Variants in RASAL2 observed in about 807,000 individuals in gnomAD.
RASAL2 encodes the protein RAS protein activator like 2.
Under a neutral mutation model 128.9 loss-of-function variants are expected in RASAL2, and 58 were observed. That is an observed-to-expected ratio of 0.45 (90% CI 0.36 to 0.56). RASAL2 has a LOEUF of 0.56. Ranked by LOEUF, RASAL2 falls within the 20% of genes least tolerant of loss-of-function variation. The pLI is 0.00. For synonymous variants in RASAL2, 561 were observed against 580.8 expected (o/e 0.97, Z 0.49); for missense variants, 1,360 against 1,601.6 (o/e 0.85, Z 2.57).
chr1:178,094,260 C>T lies in RASAL2; in HGVS notation c.-233C>T. ...GGACCCACCCTTGGTCGGGGCCACG[C>T]TGGATCCTCCTCCCGGCCTGGGTCC... is the stretch of plus-strand genomic sequence containing the variant. On this transcript the variant is annotated 5_prime_UTR_variant, in exon 1 of 18. Coordinates refer to ENST00000367649, the MANE Select transcript of RASAL2 (RefSeq NM_170692.4). 3 of 533,642 alleles carry T rather than the reference C, an allele frequency of 5.6e-6. No individual in the cohort carries two copies. The highest frequency in any genetic ancestry group is 9.8e-6 in the Non-Finnish European group (3 of 307,414). 33.1% of individuals were successfully genotyped at this position (533,642 alleles called of 1,614,324 possible).
intron 5 of RASAL2, among the ~76,000 whole-genome samples, chr1:178,436,364 C>T (rs907376164): frequency 2.6e-5 from 4 of 151,942 alleles, no homozygotes; most frequent in African/African-American, 7.2e-5. Flanking sequence ...ATTAAAATTT[C>T]GGTAACTAGG....
intron 3 of RASAL2, among the ~76,000 whole-genome samples, chr1:178,311,748 T>A (rs776741441): frequency 5.9e-5 from 9 of 151,668 alleles, no homozygotes; most frequent in Non-Finnish European, 8.8e-5. Flanking sequence ...AGAAGAAAGA[T>A]CTAAGAATAC....
chr1:178,340,153 T>G (rs1208778003), intron 3 of RASAL2, among the ~76,000 whole-genome samples: 1 of 152,160 alleles, frequency 6.6e-6, no homozygotes, highest in Non-Finnish European at 1.5e-5. Context: ...ATCTAATGTG[T>G]AAGATATATA....
At chr1:178,168,572 T>C (rs531717765) in intron 1 of RASAL2, among the ~76,000 whole-genome samples, 1 of 152,226 alleles carries the variant, frequency 6.6e-6, no homozygotes, top group South Asian at 2.1e-4. Context: ...TTTTAAAATT[T>C]GGAATTGTGG....
rs1211996114 is a variant in RASAL2, at chr1:178,094,792, G to T, written c.202+98G>T. On this transcript the variant is annotated intron_variant, in intron 1 of 17. Transcript: ENST00000367649. ...ACAGGCTCATTCCCAGTCCTCATCC[G>T]TGCTAGGTCAGTTTCCCACATCCCT... 5 of 1,416,136 alleles carry T rather than the reference G, an allele frequency of 3.5e-6. No homozygotes were observed. The East Asian group carries it at 9.6e-5, about 27-fold the overall frequency. 87.7% of individuals were successfully genotyped at this position (1,416,136 alleles called of 1,614,324 possible).
At chr1:178,256,362 C>T (rs537981325) in intron 1 of RASAL2, among the ~76,000 whole-genome samples, 76 of 151,228 alleles carry the variant, frequency 5.0e-4, no homozygotes, top group African/African-American at 1.7e-3. Flanking sequence ...CTGATAAAGG[C>T]CATCAACAAA....
At chr1:178,112,483 G>T (rs1659364111) in intron 1 of RASAL2, among the ~76,000 whole-genome samples, 1 of 151,944 alleles carries the variant, frequency 6.6e-6, no homozygotes, top group African/African-American at 2.4e-5. Flanking sequence ...CCGGGAGGTG[G>T]AGGTTGCAGT....
chr1:178,445,123 G>A (rs1676909937), intron 8 of RASAL2, among the ~76,000 whole-genome samples: 1 of 141,784 alleles, frequency 7.1e-6, no homozygotes, highest in Non-Finnish European at 1.5e-5. Flanking sequence ...GAGCAGAGCA[G>A]AACTGAGAAC....
intron 1 of RASAL2, among the ~76,000 whole-genome samples, chr1:178,139,629 G>GTTAT (rs1012493679): frequency 6.6e-6 from 1 of 151,860 alleles, no homozygotes; most frequent in African/African-American, 2.4e-5. Flanking sequence ...CTGCAGGGAA[G>GTTAT]TTATTTATTT....
At chr1:178,161,140 A>C (rs1038119546) in intron 1 of RASAL2, among the ~76,000 whole-genome samples, 1 of 151,994 alleles carries the variant, frequency 6.6e-6, no homozygotes. Context: ...AGTTAAATAC[A>C]GTACTTTTTT....
chr1:178,244,575 G>A (rs1664681237), intron 1 of RASAL2, among the ~76,000 whole-genome samples: 1 of 152,116 alleles, frequency 6.6e-6, no homozygotes, highest in African/African-American at 2.4e-5. Flanking sequence ...TATTTTTATT[G>A]TACTTTAAGT....
chr1:178,282,585 A>C (rs1043381881), intron 1 of RASAL2, among the ~76,000 whole-genome samples: 1 of 152,160 alleles, frequency 6.6e-6, no homozygotes, highest in African/African-American at 2.4e-5. Context: ...CATATAATAG[A>C]TATAATGTAC....
At chr1:178,176,059 GGGT>G (rs1661879945) in intron 1 of RASAL2, among the ~76,000 whole-genome samples, 1 of 151,988 alleles carries the variant, frequency 6.6e-6, no homozygotes, top group African/African-American at 2.4e-5. Flanking sequence ...CCTTTCCTTT[GGGT>G]AGATACCCAG....
In RASAL2 at chr1:178,416,055, G is replaced by C. The variant is rs547862023; in HGVS notation, c.565-4456G>C. ...GGTATTTAGACTATTGACGTTCGAAGTGATTATTGACATAGTTGGGTTTCT... is the reference window on the plus strand; with the variant it reads ...GGTATTTAGACTATTGACGTTCGAACTGATTATTGACATAGTTGGGTTTCT... On this transcript the variant is annotated intron_variant, in intron 4 of 17. Coordinates refer to ENST00000367649, the MANE Select transcript of RASAL2 (RefSeq NM_170692.4). Among the ~76,000 whole-genome samples, 6 of 152,202 alleles carry C rather than the reference G, an allele frequency of 3.9e-5. No homozygotes were observed. In the South Asian group the frequency reaches 1.2e-3, roughly 32 times the overall value.
chr1:178,215,182 A>C (rs1663386022), intron 1 of RASAL2, among the ~76,000 whole-genome samples: 2 of 152,230 alleles, frequency 1.3e-5, no homozygotes, highest in African/African-American at 4.8e-5. Flanking sequence ...TTAGGTGCTC[A>C]CCAAATCTGC....
At chr1:178,127,100 A>C (rs1236212132) in intron 1 of RASAL2, among the ~76,000 whole-genome samples, 1 of 152,166 alleles carries the variant, frequency 6.6e-6, no homozygotes, top group Non-Finnish European at 1.5e-5. Flanking sequence ...GGTTGAGTTG[A>C]CTCAACCTGT....
At position 178,179,675 on chromosome 1, in the gene RASAL2, G is replaced by C. The variant is rs193146574; in HGVS notation, c.202+84981G>C. ...AATGGCAGCAGTCGGCTGTGTTTTT[G>C]TCACTTTCAAGAGGACACCTAGTAT... On this transcript the variant is annotated intron_variant, in intron 1 of 17. Coordinates refer to ENST00000367649, the MANE Select transcript of RASAL2 (RefSeq NM_170692.4). 2.3e-3 allele frequency among the ~76,000 whole-genome samples: 354 copies of C among 152,286 alleles called. 4 individuals are homozygous for C. The highest frequency in any genetic ancestry group is 8.1e-3 in the African/African-American group (336 of 41,568).
Position 178,464,373 on chromosome 1 carries a change from A to C in RASAL2, c.3348A>C (p.Glu1116Asp). 1 of 1,613,862 alleles carries C rather than the reference A, an allele frequency of 6.2e-7. No homozygotes were observed. Among genetic ancestry groups the C allele is most frequent in the East Asian group, 2.2e-5 (1 of 44,876 alleles). The change falls in exon 15 of 18, where the codon GAA (glutamate) becomes GAC (aspartate). Residue 1116 changes from glutamate to aspartate, a missense_variant. Around this residue, in one of 3 missense-constraint regions of RASAL2, gnomAD observed 741 missense variants for 868.6 expected, o/e 0.85. Coordinates refer to ENST00000367649, the MANE Select transcript of RASAL2 (RefSeq NM_170692.4). Reference sequence around the variant, plus strand: ...GGCAGTATGAAGAGGATGTGGAAGAAACTGAGCAAAATCTAGATGAAGCCA... The same window carrying C: ...GGCAGTATGAAGAGGATGTGGAAGACACTGAGCAAAATCTAGATGAAGCCA... Reference protein sequence around the residue: ...NNGQYEEDVEETEQNLDEAKH... With the variant: ...NNGQYEEDVEDTEQNLDEAKH...
At chr1:178,468,083 A>G (rs1647920606) in intron 17 of RASAL2, among the ~76,000 whole-genome samples, 1 of 152,248 alleles carries the variant, frequency 6.6e-6, no homozygotes, top group African/African-American at 2.4e-5. Flanking sequence ...AAAGGCTGCC[A>G]AGAGCACCTC....
Sources: gnomAD v4.1 joint callset for allele counts (sites outside exome capture counted in the v4.1 genomes callset) on GRCh38, gnomAD v4.1.1 for gene constraint, gnomAD v4.1.1 regional missense constraint, MANE v1.5 for transcripts, NCBI Gene and HGNC (gene_info 2026-07-23, HGNC 2026-07-21) for gene names.